FHAD1: variants seen among roughly 807,000 people sequenced by gnomAD.
FHAD1 encodes the protein forkhead-associated domain-containing protein 1.
FHAD1 carries 146 observed loss-of-function variants against 191.3 expected under a neutral mutation model. That is an observed-to-expected ratio of 0.76 (90% CI 0.67 to 0.88). FHAD1 has a LOEUF of 0.88. Ranked by LOEUF, FHAD1 falls within the 40% of genes least tolerant of loss-of-function variation. The probability of loss-of-function intolerance (pLI) is 0.00; values close to 1 mark genes in which losing one functional copy is unlikely to be tolerated. For synonymous variants in FHAD1, 616 were observed against 672.3 expected (o/e 0.92, Z 1.29); for missense variants, 1,635 against 1,785.8 (o/e 0.92, Z 1.52).
Position 15,371,672 on chromosome 1 carries a change from G to A in FHAD1, c.3447+2170G>A, listed in dbSNP as rs139267785. Among the ~76,000 whole-genome samples the A allele has an allele frequency of 2.9e-3, 438 of 152,294 alleles. 4 individuals are homozygous for A. Among genetic ancestry groups the A allele is most frequent in the African/African-American group, 9.5e-3 (395 of 41,556 alleles). On this transcript the variant is annotated intron_variant, in intron 26 of 33. Coordinates refer to ENST00000688493, the MANE Select transcript of FHAD1 (RefSeq NM_001391957.1). ...TATACACAGAGAGACAGAGAGCAAG[G>A]GAGAACGTTCCAGGTTGTTTACTGC...
In FHAD1 at chr1:15,262,907, A is replaced by G. The variant is rs189533274; in HGVS notation, c.94-9416A>G. ...ATATTGTTTCCACAGTGGCTGCACTATTTTACATTCCCAGCCACAGTGCAC... is the reference window on the plus strand; with the variant it reads ...ATATTGTTTCCACAGTGGCTGCACTGTTTTACATTCCCAGCCACAGTGCAC... On this transcript the variant is annotated intron_variant, in intron 2 of 33. Coordinates refer to ENST00000688493, the MANE Select transcript of FHAD1 (RefSeq NM_001391957.1). Among the ~76,000 whole-genome samples, 18 of 152,324 alleles carry G rather than the reference A, an allele frequency of 1.2e-4. No individual in the cohort carries two copies. In the East Asian group the frequency reaches 3.5e-3, roughly 29 times the overall value.
chr1:15,356,739 G>T (rs952749061), intron 20 of FHAD1, among the ~76,000 whole-genome samples: 26 of 152,086 alleles, frequency 1.7e-4, no homozygotes, highest in Admixed American at 1.4e-3. Flanking sequence ...GGGCGTGGTG[G>T]TGGGTGCCTG....
At chr1:15,266,813 G>T (rs545222771) in intron 2 of FHAD1, among the ~76,000 whole-genome samples, 1 of 152,140 alleles carries the variant, frequency 6.6e-6, no homozygotes, top group African/African-American at 2.4e-5. Context: ...CTTTTTAAAA[G>T]TTTCATGTAG....
rs1196083060 is a variant in FHAD1, at chr1:15,352,962, AT to A, written c.2541del (p.Arg848AlafsTer2). 6.4e-7 allele frequency: 1 copy of A among 1,551,272 alleles called. No individual in the cohort carries two copies. Among genetic ancestry groups the A allele is most frequent in the Non-Finnish European group, 8.7e-7 (1 of 1,146,882 alleles). ...KEKKKVQDLE[N>X]RLTKQKEELE... ...AAGAAAAAGGTGCAAGACCTGGAGAATCGCTTAACCAAGCAGAAAGAGGTAT... is the reference window on the plus strand; with the variant it reads ...AAGAAAAAGGTGCAAGACCTGGAGAACGCTTAACCAAGCAGAAAGAGGTAT... On this transcript the variant is annotated frameshift_variant, in exon 20 of 34. Coordinates refer to ENST00000688493, the MANE Select transcript of FHAD1 (RefSeq NM_001391957.1). LOFTEE classifies it high-confidence loss of function.
At chr1:15,305,475 G>T (rs959633581) in intron 6 of FHAD1, among the ~76,000 whole-genome samples, 1 of 152,164 alleles carries the variant, frequency 6.6e-6, no homozygotes, top group African/African-American at 2.4e-5. Context: ...ACCACCGACT[G>T]ATCCGTGCAA....
At chr1:15,367,305 G>C (rs1438832816) in intron 24 of FHAD1, among the ~76,000 whole-genome samples, 158 bp from the exon 25 acceptor site, 2 of 152,098 alleles carry the variant, frequency 1.3e-5, no homozygotes, top group East Asian at 3.9e-4. Context: ...AGACCAGCCT[G>C]GCCAACATGG....
intron 8 of FHAD1, among the ~76,000 whole-genome samples, chr1:15,313,888 T>C (rs374126484): frequency 2.1e-3 from 311 of 150,826 alleles, no homozygotes; most frequent in African/African-American, 7.1e-3. Context: ...CTGGCCAACA[T>C]GGTGAAAATC....
At chr1:15,322,944 G>A (rs933857238) in intron 10 of FHAD1, among the ~76,000 whole-genome samples, 15 of 152,144 alleles carry the variant, frequency 9.9e-5, no homozygotes, top group African/African-American at 1.4e-4. Context: ...GAATCATGGC[G>A]GGAGGCGAAA....
intron 3 of FHAD1, among the ~76,000 whole-genome samples, chr1:15,274,574 T>C (rs1411829923): frequency 6.6e-6 from 1 of 151,378 alleles, no homozygotes; most frequent in African/African-American, 2.4e-5. Flanking sequence ...ATCATGCCAC[T>C]GCACTCCAGC....
chr1:15,344,341 T>A (rs997342328), intron 16 of FHAD1, among the ~76,000 whole-genome samples: 1 of 152,196 alleles, frequency 6.6e-6, no homozygotes, highest in Non-Finnish European at 1.5e-5. Flanking sequence ...GGAAAAAAAA[T>A]TCTATGTTCC....
chr1:15,376,559 C>G lies in FHAD1; in HGVS notation c.3705+829C>G, dbSNP rs113685273. ...CACAAGTTCCTAGAGTCAGAGGGAC[C>G]TGTGTCCAGATCCGAGCTCTGCGAG... is the stretch of plus-strand genomic sequence containing the variant. On this transcript the variant is annotated intron_variant, in intron 28 of 33. Coordinates refer to ENST00000688493, the MANE Select transcript of FHAD1 (RefSeq NM_001391957.1). 3.9e-3 allele frequency among the ~76,000 whole-genome samples: 591 copies of G among 152,288 alleles called. 5 individuals carry two copies. The highest frequency in any genetic ancestry group is 0.013 in the African/African-American group (527 of 41,556).
chr1:15,293,274 A>C lies in FHAD1; in HGVS notation c.569-3410A>C, dbSNP rs72864828. ...TTCCCAACCCTTGCCCCCAGAGGTA[A>C]CCACTCTTCCAAATTCTTTTTCCAC... On this transcript the variant is annotated intron_variant, in intron 4 of 33. Transcript: ENST00000688493. 8.8e-3 allele frequency among the ~76,000 whole-genome samples: 1,333 copies of C among 152,338 alleles called. 14 individuals are homozygous for C. Among genetic ancestry groups the C allele is most frequent in the African/African-American group, 0.03 (1,228 of 41,584 alleles).
chr1:15,254,343 A>G (rs1254255180), intron 2 of FHAD1, among the ~76,000 whole-genome samples: 1 of 152,244 alleles, frequency 6.6e-6, no homozygotes, highest in African/African-American at 2.4e-5. Context: ...AAACTACTTA[A>G]TCATACTGAG....
At chr1:15,324,364 C>A (rs1319595017) in intron 10 of FHAD1, 88 bp from the exon 11 acceptor site, 4 of 1,070,002 alleles carry the variant, frequency 3.7e-6, no homozygotes, top group African/African-American at 1.6e-5. Flanking sequence ...CTGGGACCCC[C>A]CACGGCCATT....
At chr1:15,395,575 G>T (rs1705664267) in intron 33 of FHAD1, among the ~76,000 whole-genome samples, 3 of 152,164 alleles carry the variant, frequency 2.0e-5, no homozygotes, top group Admixed American at 6.5e-5. Flanking sequence ...AAGCCCAGCT[G>T]TGCCAAGTGT....
chr1:15,394,812 C>T (rs922237951), intron 33 of FHAD1, among the ~76,000 whole-genome samples: 1 of 152,146 alleles, frequency 6.6e-6, no homozygotes, highest in Admixed American at 6.5e-5. Flanking sequence ...GGTGTATGTG[C>T]AGCCTGAAGG....
chr1:15,311,475 A>C lies in FHAD1; in HGVS notation c.1040-1582A>C, dbSNP rs1046570815. 1.3e-5 allele frequency among the ~76,000 whole-genome samples: 2 copies of C among 152,214 alleles called. No individual in the cohort carries two copies. Among genetic ancestry groups the C allele is most frequent in the African/African-American group, 4.8e-5 (2 of 41,462 alleles). ...TAGAGACTCAAGCCAAATTCATTCT[A>C]GAGAAAAGGTCACTCTGGTCCCGCC... On this transcript the variant is annotated intron_variant, in intron 7 of 33. Transcript: ENST00000688493. This position sits in a 1 kb window ranked among gnomAD's most constrained non-coding sequence, Gnocchi z 4.1.
chr1:15,249,344 TTCC>T (rs1451915727), intron 1 of FHAD1, among the ~76,000 whole-genome samples: 3 of 152,034 alleles, frequency 2.0e-5, no homozygotes, highest in Non-Finnish European at 4.4e-5. Flanking sequence ...CTGGAGGCAT[TTCC>T]TGTGGCTTTC....
At position 15,345,031 on chromosome 1, in the gene FHAD1, A is replaced by G. The variant is rs1688309989; in HGVS notation, c.2131-52A>G. The G allele has an allele frequency of 4.8e-6, 7 of 1,447,620 alleles. No individual in the cohort carries two copies. In the East Asian group the frequency reaches 1.7e-4, roughly 36 times the overall value. 89.7% of individuals were successfully genotyped at this position (1,447,620 alleles called of 1,614,324 possible). A position where few individuals can be genotyped will look rare whatever the true frequency, so the allele number is the denominator to read the frequency against. ...GCACATGCAGTGCCTGGCAGCGTCCAAATTCCTGCCATGGTAACCATGTCT... is the reference window on the plus strand; with the variant it reads ...GCACATGCAGTGCCTGGCAGCGTCCGAATTCCTGCCATGGTAACCATGTCT... On this transcript the variant is annotated intron_variant, in intron 16 of 33. Transcript: ENST00000688493.
Sources: gnomAD v4.1 joint callset for allele counts (sites outside exome capture counted in the v4.1 genomes callset) on GRCh38, gnomAD v4.1.1 for gene constraint, Gnocchi (gnomAD v3.1) non-coding constraint, MANE v1.5 for transcripts, NCBI Gene and HGNC (gene_info 2026-07-23, HGNC 2026-07-21) for gene names.